PTPRD: variants seen among roughly 807,000 people sequenced by gnomAD.
The protein encoded by PTPRD is protein tyrosine phosphatase receptor type D.
PTPRD carries 34 observed loss-of-function variants against 214.5 expected under a neutral mutation model. That is an observed-to-expected ratio of 0.16 (90% confidence interval 0.12 to 0.21). The LOEUF is 0.21. PTPRD is among the 10% of genes least tolerant of loss of function. PTPRD has a pLI of 1.00. For missense variants in PTPRD, 2,545 were observed against 2,398.7 expected (o/e 1.06, Z -1.27); for synonymous variants, 1,128 against 845.7 (o/e 1.33, Z -5.79).
chr9:10,598,234 T>C (rs1000797556), intron 2 of PTPRD, among the ~76,000 whole-genome samples: 1 of 151,816 alleles, frequency 6.6e-6, no homozygotes, highest in Non-Finnish European at 1.5e-5. Context: ...CTTGAACATA[T>C]TATATTCAGT....
At chr9:8,864,780 G>C (rs942404952) in intron 11 of PTPRD, among the ~76,000 whole-genome samples, 1 of 152,198 alleles carries the variant, frequency 6.6e-6, no homozygotes, top group Non-Finnish European at 1.5e-5. Flanking sequence ...GAGTCCCCAT[G>C]AGTAACTGGG....
chr9:9,619,978 AAGAG>A (rs1179805449), intron 7 of PTPRD, among the ~76,000 whole-genome samples: 2 of 151,604 alleles, frequency 1.3e-5, no homozygotes, highest in African/African-American at 2.4e-5. Context: ...TATATGGAGA[AAGAG>A]AGAGAGAAAG....
intron 3 of PTPRD, among the ~76,000 whole-genome samples, chr9:10,048,235 T>C (rs557641542): frequency 6.6e-6 from 1 of 150,724 alleles, no homozygotes; most frequent in Admixed American, 6.7e-5. Context: ...TCCTTTGTAC[T>C]CCTTGTTCTG....
chr9:8,905,525 G>A (rs1055062818), intron 11 of PTPRD, among the ~76,000 whole-genome samples: 9 of 151,802 alleles, frequency 5.9e-5, no homozygotes, highest in African/African-American at 1.9e-4. Context: ...GATTACCTGA[G>A]GTCAGGCATT....
chr9:10,227,537 C>G (rs1283450773), intron 3 of PTPRD, among the ~76,000 whole-genome samples: 2 of 151,944 alleles, frequency 1.3e-5, no homozygotes, highest in African/African-American at 2.4e-5. Context: ...CCCTTAACTG[C>G]ATTGCCCGTT....
chr9:9,231,060 AG>A (rs1482896851), intron 9 of PTPRD, among the ~76,000 whole-genome samples: 14 of 149,978 alleles, frequency 9.3e-5, no homozygotes, highest in African/African-American at 3.4e-4. Context: ...TGTCGGGGGG[AG>A]GGGGGAATGG....
intron 11 of PTPRD, among the ~76,000 whole-genome samples, chr9:8,889,419 C>G (rs10511512): frequency 1.3e-5 from 2 of 152,112 alleles, no homozygotes; most frequent in Non-Finnish European, 2.9e-5. Context: ...GCAAATCATA[C>G]ACTGAGATCA....
chr9:10,405,214 C>T (rs2098333879), intron 2 of PTPRD, among the ~76,000 whole-genome samples: 1 of 151,606 alleles, frequency 6.6e-6, no homozygotes, highest in Non-Finnish European at 1.5e-5. Flanking sequence ...AATGCCAGAC[C>T]ATTATCTTAA....
chr9:8,480,513 C>G (rs866480029), intron 30 of PTPRD, among the ~76,000 whole-genome samples: 1 of 152,180 alleles, frequency 6.6e-6, no homozygotes, highest in African/African-American at 2.4e-5. Context: ...AAAGGACACA[C>G]TGTCGCTACT....
chr9:9,535,932 T>C (rs1369521427), intron 8 of PTPRD, among the ~76,000 whole-genome samples: 1 of 152,070 alleles, frequency 6.6e-6, no homozygotes, highest in Non-Finnish European at 1.5e-5. Context: ...AGATTCGCTA[T>C]TTGAATATGC....
intron 3 of PTPRD, among the ~76,000 whole-genome samples, chr9:10,088,834 C>T (rs192636081): frequency 1.4e-4 from 21 of 151,640 alleles, no homozygotes; most frequent in African/African-American, 4.3e-4. Flanking sequence ...GAATGGATAT[C>T]GTATTTCTTT....
intron 2 of PTPRD, among the ~76,000 whole-genome samples, chr9:10,431,481 C>A (rs907114376): frequency 2.0e-5 from 3 of 151,944 alleles, no homozygotes; most frequent in Non-Finnish European, 4.4e-5. Context: ...AAGAAACTAC[C>A]ATCAGAGTGA....
chr9:10,322,226 C>T (rs1269930624), intron 3 of PTPRD, among the ~76,000 whole-genome samples: 1 of 151,768 alleles, frequency 6.6e-6, no homozygotes, highest in Non-Finnish European at 1.5e-5. Context: ...CATGACAGAC[C>T]CATAAAAAAG....
chr9:8,433,675 GA>G (rs1257397577), intron 35 of PTPRD, among the ~76,000 whole-genome samples: 3 of 152,058 alleles, frequency 2.0e-5, no homozygotes, highest in African/African-American at 7.2e-5. Flanking sequence ...AGGATATAAA[GA>G]AAAAATGTTT....
chr9:8,734,296 C>T (rs991479652), intron 11 of PTPRD, among the ~76,000 whole-genome samples: 4 of 152,224 alleles, frequency 2.6e-5, no homozygotes, highest in African/African-American at 4.8e-5. Flanking sequence ...TACGTAAATA[C>T]ATCAGTGCAA....
At chr9:8,635,041 GTTTAATAATATATA>G (rs983668358) in intron 13 of PTPRD, among the ~76,000 whole-genome samples, 12 of 147,388 alleles carry the variant, frequency 8.1e-5, no homozygotes, top group East Asian at 3.9e-4. Context: ...CATATATATT[GTTTAATAATATATA>G]TTTAATAATA....
chr9:8,550,414 T>C (rs901079847), intron 14 of PTPRD, among the ~76,000 whole-genome samples: 2 of 152,324 alleles, frequency 1.3e-5, no homozygotes, highest in Admixed American at 6.5e-5. Context: ...TACTACTAGA[T>C]TGTATGAGAT....
At chr9:9,335,023 C>T (rs936049468) in intron 9 of PTPRD, among the ~76,000 whole-genome samples, 1 of 151,992 alleles carries the variant, frequency 6.6e-6, no homozygotes, top group African/African-American at 2.4e-5. Context: ...AAAGCAAAGA[C>T]TTCACCTGTC....
At chr9:8,585,367 G>A (rs117640951) in intron 14 of PTPRD, among the ~76,000 whole-genome samples, 1,911 of 152,228 alleles carry the variant, frequency 0.013, 17 homozygotes, top group Non-Finnish European at 0.018. Context: ...TGATGCCCTG[G>A]TTCTGTCAAG....
Sources: allele counts gnomAD v4.1 joint callset (sites outside exome capture counted in the v4.1 genomes callset), GRCh38; gene constraint gnomAD v4.1.1; transcripts MANE v1.5; gene names NCBI Gene and HGNC (gene_info 2026-07-23, HGNC 2026-07-21).